The following RAB6A variants were observed in gnomAD, a reference collection of about 807,000 sequenced individuals.
RAB6A encodes the protein ras-related protein Rab-6A.
RAB6A carries 8 observed loss-of-function variants against 32.3 expected under a neutral mutation model. That is an observed-to-expected ratio of 0.25 (90% CI 0.15 to 0.45). The LOEUF (loss-of-function observed/expected upper bound fraction) is 0.45, where lower values mean the gene tolerates loss of function less well. RAB6A is among the 20% of genes least tolerant of loss of function. RAB6A has a pLI of 1.00. For synonymous variants in RAB6A, 73 were observed against 82.1 expected, an observed-to-expected ratio of 0.89 and a Z score of 0.60; for missense variants, 104 against 249.4, an observed-to-expected ratio of 0.42 and a Z score of 3.93.
At chr11:73,745,432 C>T (rs1946571961) in intron 1 of RAB6A, among the ~76,000 whole-genome samples, 1 of 152,104 alleles carries the variant, frequency 6.6e-6, no homozygotes, top group African/African-American at 2.4e-5. Context: ...CTCACAGAGA[C>T]ATAAAATTAA....
In RAB6A at chr11:73,677,661, C is replaced by A; in HGVS notation, c.*237G>T. 5.8e-6 allele frequency: 6 copies of A among 1,038,966 alleles called. No homozygotes were observed. Among genetic ancestry groups the A allele is most frequent in the East Asian group, 2.6e-5 (1 of 39,082 alleles). 64.4% of individuals were successfully genotyped at this position (1,038,966 alleles called of 1,614,324 possible). ...AAATGTATCTAATTTTTAAAGTTAT[C>A]ACTGGAATATGCTGAAATATTTTGG... On this transcript the variant is annotated 3_prime_UTR_variant, in exon 8 of 8. Coordinates refer to ENST00000336083, the MANE Select transcript of RAB6A (RefSeq NM_198896.2).
At chr11:73,760,481 A>G (rs2135029196) in intron 1 of RAB6A, 85 bp downstream of exon 1, 2 of 1,490,774 alleles carry the variant, frequency 1.3e-6, no homozygotes, top group Non-Finnish European at 1.8e-6. Context: ...GCGGGCAGGG[A>G]GCCTCCGCGG....
chr11:73,692,318 C>G (rs1272678339), intron 6 of RAB6A, among the ~76,000 whole-genome samples: 2 of 151,328 alleles, frequency 1.3e-5, no homozygotes, highest in Admixed American at 1.3e-4. Flanking sequence ...TCCTGGCTAA[C>G]AGTGAAACCC....
At chr11:73,704,310 G>A in intron 6 of RAB6A, 1 of 302,978 alleles carries the variant, frequency 3.3e-6, no homozygotes, top group Non-Finnish European at 6.9e-6. Context: ...TTGAGCCTGA[G>A]AGGTCAAGGC....
intron 1 of RAB6A, among the ~76,000 whole-genome samples, chr11:73,735,471 T>C (rs915091680): frequency 5.3e-5 from 8 of 151,730 alleles, no homozygotes; most frequent in Admixed American, 2.0e-4. Flanking sequence ...TACTGCAGAG[T>C]GATAAAAAGT....
intron 6 of RAB6A, among the ~76,000 whole-genome samples, chr11:73,683,415 C>A (rs1014121428): frequency 6.6e-6 from 1 of 151,808 alleles, no homozygotes; most frequent in Non-Finnish European, 1.5e-5. Context: ...GCCACCACAC[C>A]TGGCTAATTT....
At chr11:73,695,938 T>G (rs953894466) in intron 6 of RAB6A, among the ~76,000 whole-genome samples, 3 of 152,160 alleles carry the variant, frequency 2.0e-5, no homozygotes, top group Non-Finnish European at 4.4e-5. Flanking sequence ...AAAAATTTTT[T>G]TAGGGATAAT....
At position 73,676,353 on chromosome 11, in the gene RAB6A, C is replaced by T. The variant is rs1945269388; in HGVS notation, c.*1545G>A. ...TGTTTATTAGCTTACACAGCAATCT[C>T]ACAATAACTAGTAAAGATTAAAAGG... On this transcript the variant is annotated 3_prime_UTR_variant, in exon 8 of 8. Transcript: ENST00000336083. The T allele has an allele frequency of 6.0e-6, 1 of 167,018 alleles. No homozygotes were observed. The highest frequency in any genetic ancestry group is 6.5e-5 in the Admixed American group (1 of 15,274). 10.3% of individuals were successfully genotyped at this position (167,018 alleles called of 1,614,324 possible).
chr11:73,735,844 T>C (rs1212527972), intron 1 of RAB6A, among the ~76,000 whole-genome samples: 2 of 143,752 alleles, frequency 1.4e-5, no homozygotes, highest in African/African-American at 5.2e-5. Context: ...ATATCAAACC[T>C]ATCCCAACCT....
intron 1 of RAB6A, among the ~76,000 whole-genome samples, chr11:73,751,944 C>CA (rs898683309): frequency 6.6e-6 from 1 of 151,594 alleles, no homozygotes; most frequent in Non-Finnish European, 1.5e-5. Context: ...GCATAAAAAA[C>CA]AAAAACAAAA....
chr11:73,679,747 C>CT lies in RAB6A; in HGVS notation c.496-28dup, dbSNP rs1945325781. 3 of 1,612,844 alleles carry CT rather than the reference C, an allele frequency of 1.9e-6. No individual in the cohort carries two copies. In the East Asian group the frequency reaches 6.7e-5, roughly 36 times the overall value. On this transcript the variant is annotated intron_variant, in intron 6 of 7. Coordinates refer to ENST00000336083, the MANE Select transcript of RAB6A (RefSeq NM_198896.2). The stretch of plus-strand genomic sequence containing the variant: ...TGTGGGAAAGAGAGAAAAGTGATAA[C>CT]TGAGAGGGAACATTTAGCAAAGGGT...
At position 73,760,550 on chromosome 11, in the gene RAB6A, G is replaced by C; in HGVS notation, c.70+16C>G. 1 of 1,598,280 alleles carries C rather than the reference G, an allele frequency of 6.3e-7. No individual in the cohort carries two copies. Among genetic ancestry groups the C allele is most frequent in the Non-Finnish European group, 8.5e-7 (1 of 1,172,986 alleles). ...GCTGCGGCCAGCTGCCAGGAGTAGG[G>C]GAGCCACGCACTCACCGCTTTGCTC... is the stretch of plus-strand genomic sequence containing the variant. On this transcript the variant is annotated intron_variant, in intron 1 of 7. Coordinates refer to ENST00000336083, the MANE Select transcript of RAB6A (RefSeq NM_198896.2).
intron 6 of RAB6A, among the ~76,000 whole-genome samples, chr11:73,692,809 A>AAAG (rs1452725836): frequency 7.0e-6 from 1 of 143,030 alleles, no homozygotes; most frequent in Admixed American, 7.0e-5. Flanking sequence ...AAAAAAAAAA[A>AAAG]AATTAGCCGG....
At chr11:73,751,713 G>T (rs1723848) in intron 1 of RAB6A, among the ~76,000 whole-genome samples, 73,300 of 152,004 alleles carry the variant, frequency 0.48, 19,029 homozygotes, top group East Asian at 0.6. Flanking sequence ...AATATTAAAA[G>T]CAAGGAGACT....
intron 1 of RAB6A, among the ~76,000 whole-genome samples, chr11:73,743,113 T>C (rs985266949): frequency 1.4e-4 from 21 of 151,838 alleles, no homozygotes; most frequent in African/African-American, 2.4e-4. Context: ...CTGGGCAGCA[T>C]AGTGAAACCC....
intron 1 of RAB6A, among the ~76,000 whole-genome samples, chr11:73,753,065 C>T (rs1946691485): frequency 6.6e-6 from 1 of 152,112 alleles, no homozygotes; most frequent in Non-Finnish European, 1.5e-5. Context: ...CCTGGCAACA[C>T]AGCAAGACCT....
intron 1 of RAB6A, among the ~76,000 whole-genome samples, chr11:73,742,929 G>C (rs767404765): frequency 7.2e-5 from 11 of 152,068 alleles, no homozygotes; most frequent in African/African-American, 2.2e-4. Flanking sequence ...ACAAATACGA[G>C]TAAAGCCCTG....
chr11:73,698,772 T>C (rs774555110), intron 6 of RAB6A, among the ~76,000 whole-genome samples: 3 of 152,122 alleles, frequency 2.0e-5, no homozygotes, highest in African/African-American at 7.2e-5. Context: ...TATGTTAATT[T>C]TTCTTCTTCC....
In RAB6A at chr11:73,676,657, ATT is replaced by A. The variant is rs1945273575; in HGVS notation, c.*1239_*1240del. On this transcript the variant is annotated 3_prime_UTR_variant, in exon 8 of 8. Transcript: ENST00000336083. Reference sequence around the variant, plus strand: ...AAAATAAGGCATAAATCTGCATAATATTGAGTTTTATTTCCATTCTCTCCTTT... The same window carrying A: ...AAAATAAGGCATAAATCTGCATAATAGAGTTTTATTTCCATTCTCTCCTTT... The A allele has an allele frequency of 6.0e-6, 1 of 167,102 alleles. No individual in the cohort carries two copies. Among genetic ancestry groups the A allele is most frequent in the South Asian group, 2.1e-4 (1 of 4,830 alleles). 10.4% of individuals were successfully genotyped at this position (167,102 alleles called of 1,614,324 possible). A position where few individuals can be genotyped will look rare whatever the true frequency, so the allele number is the denominator to read the frequency against.
Sources: gnomAD v4.1 joint callset for allele counts (sites outside exome capture counted in the v4.1 genomes callset) on GRCh38, gnomAD v4.1.1 for gene constraint, MANE v1.5 for transcripts, NCBI Gene and HGNC (gene_info 2026-07-23, HGNC 2026-07-21) for gene names.